TPRG1: variants seen among roughly 807,000 people sequenced by gnomAD.
TPRG1 encodes the protein tumor protein p63-regulated gene 1 protein.
Under a neutral mutation model 29.3 loss-of-function variants are expected in TPRG1, and 29 were observed. The observed-to-expected ratio is 0.99, with a 90% confidence interval of 0.74 to 1.35. The LOEUF (loss-of-function observed/expected upper bound fraction) is 1.35, where lower values mean the gene tolerates loss of function less well. Among genes scored for constraint, TPRG1 ranks in the 40% most tolerant of loss-of-function variants. The pLI, the probability that TPRG1 is intolerant of heterozygous loss-of-function variation, is 0.00. For missense variants in TPRG1, 327 were observed against 335.0 expected, an observed-to-expected ratio of 0.98 and a Z score of 0.19; for synonymous variants, 130 against 116.8, an observed-to-expected ratio of 1.11 and a Z score of -0.73.
intron 4 of TPRG1, among the ~76,000 whole-genome samples, chr3:189,250,454 C>A (rs1266688): frequency 1 from 145,550 of 145,556 alleles, 72,772 homozygotes; most frequent in Middle Eastern, 1. Context: ...ACTTGAAAGC[C>A]CTTTGTAATG....
chr3:189,264,297 G>A (rs939038363), intron 4 of TPRG1, among the ~76,000 whole-genome samples: 3 of 152,098 alleles, frequency 2.0e-5, no homozygotes. Context: ...AGAAGCCCTT[G>A]TCAGCAAGCA....
chr3:189,290,879 T>G (rs891200527), intron 4 of TPRG1, among the ~76,000 whole-genome samples: 1 of 152,114 alleles, frequency 6.6e-6, no homozygotes, highest in Non-Finnish European at 1.5e-5. Context: ...GTAGTTTAGT[T>G]GAAAAATCTT....
In TPRG1 at chr3:189,124,305, C is replaced by A. The variant is rs140930100; in HGVS notation, c.-743-2752C>A. 3.3e-3 allele frequency among the ~76,000 whole-genome samples: 500 copies of A among 152,080 alleles called. 3 individuals carry two copies. Among genetic ancestry groups the A allele is most frequent in the Non-Finnish European group, 6.1e-3 (413 of 68,000 alleles). On this transcript the variant is annotated intron_variant, in intron 1 of 6. Transcript: ENST00000412373. Reference sequence around the variant, plus strand: ...AAAACATAGTGGCTTAGAAAAGAAGCATATTTAAAGTGCAAGGGGAGCTCA... The same window carrying A: ...AAAACATAGTGGCTTAGAAAAGAAGAATATTTAAAGTGCAAGGGGAGCTCA...
chr3:189,255,495 G>A (rs1359820927), intron 4 of TPRG1, among the ~76,000 whole-genome samples: 1 of 151,894 alleles, frequency 6.6e-6, no homozygotes, highest in African/African-American at 2.4e-5. Context: ...TTTTTTTCTT[G>A]TGCGTCTACC....
chr3:189,178,141 A>C (rs1578682315), intron 1 of TPRG1, among the ~76,000 whole-genome samples: 1 of 152,238 alleles, frequency 6.6e-6, no homozygotes, highest in Admixed American at 6.5e-5. Context: ...GTTCCTTTCA[A>C]GGAGCTTATT....
intron 4 of TPRG1, among the ~76,000 whole-genome samples, chr3:189,070,145 G>A (rs1381079528): frequency 1.3e-5 from 2 of 152,070 alleles, no homozygotes; most frequent in Admixed American, 6.6e-5. Flanking sequence ...CAGTGAATTC[G>A]ACTGACAGAA....
intron 5 of TPRG1, among the ~76,000 whole-genome samples, chr3:189,151,764 C>T (rs1435822911): frequency 6.6e-6 from 1 of 152,008 alleles, no homozygotes; most frequent in Non-Finnish European, 1.5e-5. Context: ...CCCTGTAGTC[C>T]CAGCTATTTG....
chr3:189,197,090 G>A (rs767393581), intron 1 of TPRG1, among the ~76,000 whole-genome samples: 6 of 152,138 alleles, frequency 3.9e-5, no homozygotes, highest in African/African-American at 1.4e-4. Context: ...CTACACACTC[G>A]CCTGGGATGT....
At position 189,138,964 on chromosome 3, in the gene TPRG1, TCAGA is replaced by T. The variant is rs550753973; in HGVS notation, c.-291+6272_-291+6275del. Among the ~76,000 whole-genome samples, 121 of 152,196 alleles carry T rather than the reference TCAGA, an allele frequency of 8.0e-4. 1 individual carries two copies. In the South Asian group the frequency reaches 0.025, roughly 31 times the overall value. On this transcript the variant is annotated intron_variant, in intron 3 of 6. Coordinates refer to the TPRG1 transcript ENST00000412373. ...GATTCTATCTGAAAGGTGTTTGTACTCAGACAGAAAAAAAATCTGCTCCAGCCAT... is the reference window on the plus strand; with the variant it reads ...GATTCTATCTGAAAGGTGTTTGTACTCAGAAAAAAAATCTGCTCCAGCCAT...
intron 4 of TPRG1, among the ~76,000 whole-genome samples, chr3:189,080,525 C>T (rs1468790206): frequency 6.6e-6 from 1 of 152,056 alleles, no homozygotes; most frequent in Non-Finnish European, 1.5e-5. Context: ...GGCAAGGGAA[C>T]CTTATTCCCT....
chr3:189,265,969 T>A (rs1269526169), intron 4 of TPRG1, among the ~76,000 whole-genome samples: 2 of 152,136 alleles, frequency 1.3e-5, no homozygotes, highest in East Asian at 3.9e-4. Context: ...AACTAGTACC[T>A]CCATTGAATA....
At chr3:189,066,681 A>T (rs908423037) in intron 4 of TPRG1, among the ~76,000 whole-genome samples, 3 of 152,086 alleles carry the variant, frequency 2.0e-5, no homozygotes, top group African/African-American at 7.2e-5. Context: ...CAATACAATA[A>T]AAGCCATATA....
upstream of TPRG1, among the ~76,000 whole-genome samples, chr3:189,095,317 A>G (rs1373749060): frequency 6.6e-6 from 1 of 152,074 alleles, no homozygotes; most frequent in Non-Finnish European, 1.5e-5. Flanking sequence ...CATAGACCAG[A>G]GCATAGATAA....
chr3:189,252,532 T>C (rs1742451180), intron 4 of TPRG1, among the ~76,000 whole-genome samples: 1 of 152,168 alleles, frequency 6.6e-6, no homozygotes, highest in African/African-American at 2.4e-5. Context: ...TCCATAATCC[T>C]ATTGTGTTTA....
At chr3:189,315,278 TTGTGTGTGTG>T (rs34255648) in intron 5 of TPRG1, among the ~76,000 whole-genome samples, 37 of 143,412 alleles carry the variant, frequency 2.6e-4, no homozygotes, top group African/African-American at 5.9e-4. Flanking sequence ...CCTGAAAGAA[TTGTGTGTGTG>T]TGTGTGTGTG....
chr3:189,047,174 A>G (rs1054177712), intron 4 of TPRG1, among the ~76,000 whole-genome samples: 2 of 152,186 alleles, frequency 1.3e-5, no homozygotes, highest in Admixed American at 6.5e-5. Flanking sequence ...TTTTATTACA[A>G]TCTTAAATAT....
chr3:189,197,184 ATTGTGTTTAG>A (rs1166924077), intron 1 of TPRG1, among the ~76,000 whole-genome samples: 2 of 152,138 alleles, frequency 1.3e-5, no homozygotes, highest in Admixed American at 6.5e-5. Flanking sequence ...AAAATCAGGG[ATTGTGTTTAG>A]TTTGTAGAGA....
chr3:189,074,898 G>A (rs1323923834), intron 4 of TPRG1, among the ~76,000 whole-genome samples: 3 of 150,858 alleles, frequency 2.0e-5, no homozygotes, highest in East Asian at 2.0e-4. Context: ...TGCAAGCTCC[G>A]CCTCCCGGGT....
At chr3:189,310,624 C>A in intron 5 of TPRG1, 85 bp downstream of exon 5, 7 of 469,918 alleles carry the variant, frequency 1.5e-5, no homozygotes, top group South Asian at 6.2e-5. Flanking sequence ...CTAAACAAAA[C>A]AAAATAAAAT....
Sources: allele counts gnomAD v4.1 joint callset (sites outside exome capture counted in the v4.1 genomes callset), GRCh38; gene constraint gnomAD v4.1.1; transcripts MANE v1.5; gene names NCBI Gene and HGNC (gene_info 2026-07-23, HGNC 2026-07-21).